The following AKAP7 variants were observed in gnomAD, a reference collection of about 807,000 sequenced individuals.
The protein encoded by AKAP7 is A kinase (PRKA) anchor protein 7.
In AKAP7, 39 loss-of-function variants were observed where a neutral mutation model predicts 39.5. The ratio of observed to expected loss-of-function variants is 0.99; its 90% CI spans 0.76 to 1.29. The LOEUF (loss-of-function observed/expected upper bound fraction) is 1.29, where lower values mean the gene tolerates loss of function less well. Ranked by LOEUF, AKAP7 falls within the 50% of genes most tolerant of loss-of-function variation. The probability of loss-of-function intolerance (pLI) is 0.00; values close to 1 mark genes in which losing one functional copy is unlikely to be tolerated. For missense variants in AKAP7, 414 were observed against 407.7 expected (o/e 1.02, Z -0.13); for synonymous variants, 140 against 139.1 (o/e 1.01, Z -0.05).
At chr6:131,140,058 C>T (rs1800899301) in intron 1 of AKAP7, among the ~76,000 whole-genome samples, 1 of 152,132 alleles carries the variant, frequency 6.6e-6, no homozygotes, top group Non-Finnish European at 1.5e-5. Flanking sequence ...GTTGATTGTT[C>T]TTAACTGTTC....
At chr6:131,140,581 T>C (rs1025587573) in intron 1 of AKAP7, among the ~76,000 whole-genome samples, 2 of 152,240 alleles carry the variant, frequency 1.3e-5, no homozygotes, top group South Asian at 2.1e-4. Context: ...CACAAGAACT[T>C]GGAAGCTAGT....
intron 7 of AKAP7, among the ~76,000 whole-genome samples, chr6:131,220,247 T>C (rs1266411120): frequency 3.3e-5 from 5 of 152,122 alleles, no homozygotes; most frequent in Non-Finnish European, 5.9e-5. Flanking sequence ...CCTGCAAAAA[T>C]TGAAAACTTC....
intron 5 of AKAP7, among the ~76,000 whole-genome samples, chr6:131,194,245 A>G (rs759354171): frequency 6.6e-6 from 1 of 151,912 alleles, no homozygotes; most frequent in African/African-American, 2.4e-5. Context: ...TAGCTCTATC[A>G]TCATTTGTTT....
chr6:131,186,389 A>G (rs1239474058), intron 5 of AKAP7, among the ~76,000 whole-genome samples: 1 of 152,198 alleles, frequency 6.6e-6, no homozygotes, highest in Non-Finnish European at 1.5e-5. Flanking sequence ...ACTGTGAGCC[A>G]ATTAAAGTCT....
At chr6:131,252,870 G>A (rs1301916254) in intron 7 of AKAP7, among the ~76,000 whole-genome samples, 2 of 152,110 alleles carry the variant, frequency 1.3e-5, no homozygotes, top group East Asian at 3.9e-4. Context: ...TGTACTCCTT[G>A]AGCATCTACT....
At chr6:131,188,658 C>T (rs1320243817) in intron 5 of AKAP7, among the ~76,000 whole-genome samples, 3 of 152,120 alleles carry the variant, frequency 2.0e-5, no homozygotes, top group African/African-American at 7.2e-5. Context: ...CCCATTTCAT[C>T]CTCCTGAGTA....
chr6:131,241,577 A>ATATATATG (rs1349874555), intron 7 of AKAP7, among the ~76,000 whole-genome samples: 114 of 81,230 alleles, frequency 1.4e-3, no homozygotes, highest in Middle Eastern at 5.3e-3. Flanking sequence ...GATTATATAT[A>ATATATATG]TGTGTGTGTG....
chr6:131,203,668 C>G lies in AKAP7; in HGVS notation c.702+4095C>G, dbSNP rs540163133. Among the ~76,000 whole-genome samples, 4 of 152,294 alleles carry G rather than the reference C, an allele frequency of 2.6e-5. No individual in the cohort carries two copies. In the South Asian group the frequency reaches 8.3e-4, roughly 32 times the overall value. ...AACAGAATGTCTCTCTAGGTAAACACTGCCAGTAGATCCTTCCAGACCTTT... is the reference window on the plus strand; with the variant it reads ...AACAGAATGTCTCTCTAGGTAAACAGTGCCAGTAGATCCTTCCAGACCTTT... On this transcript the variant is annotated intron_variant, in intron 6 of 7. Coordinates refer to ENST00000431975, the MANE Select transcript of AKAP7 (RefSeq NM_016377.4).
At chr6:131,154,468 G>GTTTTTTTTTTTTTTTTTTTTT (rs58715551) in intron 2 of AKAP7, among the ~76,000 whole-genome samples, 1 of 112,542 alleles carries the variant, frequency 8.9e-6, no homozygotes, top group African/African-American at 3.3e-5. Context: ...CCCTGTCCCT[G>GTTTTTTTTTTTTTTTTTTTTT]TTTTTTTTTT....
chr6:131,160,282 C>G (rs377565900), intron 3 of AKAP7, 84 bp downstream of exon 3: 11 of 1,408,656 alleles, frequency 7.8e-6, no homozygotes, highest in Admixed American at 2.1e-5. Flanking sequence ...CCCACTTGCT[C>G]TTAGCTTTTA....
At chr6:131,243,705 A>G (rs996494326) in intron 7 of AKAP7, among the ~76,000 whole-genome samples, 4 of 152,220 alleles carry the variant, frequency 2.6e-5, no homozygotes, top group Non-Finnish European at 1.5e-5. Context: ...AGAGCTAAAT[A>G]TAGATTGAGA....
chr6:131,237,176 G>A (rs1811143526), intron 7 of AKAP7, among the ~76,000 whole-genome samples: 2 of 152,276 alleles, frequency 1.3e-5, no homozygotes, highest in South Asian at 4.1e-4. Flanking sequence ...TGTGGTTTTT[G>A]TCGTTGATTC....
At chr6:131,239,938 C>T (rs1005293325) in intron 7 of AKAP7, among the ~76,000 whole-genome samples, 55 of 152,296 alleles carry the variant, frequency 3.6e-4, no homozygotes, top group African/African-American at 1.2e-3. Context: ...AGCTTTGTTC[C>T]GTTGCTGGTG....
At position 131,169,155 on chromosome 6, in the gene AKAP7, A is replaced by C; in HGVS notation, c.471A>C (p.Glu157Asp). The change falls in exon 5 of 8, where the codon GAA becomes GAC. Residue 157 changes from glutamate to aspartate, a missense_variant. Physicochemically the swap from Glu to Asp is conservative, Grantham distance 45 (BLOSUM62 2). Transcript: ENST00000431975. ...TGGAATTGAAACCATTCATAGAAGAACTCCTCCAGGGAAAACATTTGACTT... is the reference window on the plus strand; with the variant it reads ...TGGAATTGAAACCATTCATAGAAGACCTCCTCCAGGGAAAACATTTGACTT... Reference protein sequence around the residue: ...ALLELKPFIEELLQGKHLTLP... With the variant: ...ALLELKPFIEDLLQGKHLTLP... 6.2e-7 allele frequency: 1 copy of C among 1,613,596 alleles called. No individual in the cohort carries two copies. The highest frequency in any genetic ancestry group is 8.5e-7 in the Non-Finnish European group (1 of 1,179,680).
chr6:131,186,022 A>G (rs945242408), intron 5 of AKAP7, among the ~76,000 whole-genome samples: 3 of 152,118 alleles, frequency 2.0e-5, no homozygotes, highest in Admixed American at 1.3e-4. Flanking sequence ...GACTAACTTC[A>G]TTCTTTTGCA....
chr6:131,245,938 C>T (rs1811965570), intron 7 of AKAP7, among the ~76,000 whole-genome samples: 2 of 152,032 alleles, frequency 1.3e-5, no homozygotes, highest in South Asian at 4.1e-4. Flanking sequence ...ACTCAAATTT[C>T]CTTTAATTAG....
At chr6:131,187,006 G>A (rs191098198) in intron 5 of AKAP7, among the ~76,000 whole-genome samples, 17 of 152,184 alleles carry the variant, frequency 1.1e-4, no homozygotes, top group Admixed American at 2.0e-4. Context: ...ATATTACACC[G>A]TCTTGATTAC....
At chr6:131,257,556 T>C (rs566731304) in intron 7 of AKAP7, among the ~76,000 whole-genome samples, 1 of 152,248 alleles carries the variant, frequency 6.6e-6, no homozygotes, top group African/African-American at 2.4e-5. Context: ...TGGGGTCTTG[T>C]CCATCATGAG....
chr6:131,236,063 A>C (rs1026550050), intron 7 of AKAP7, among the ~76,000 whole-genome samples: 11 of 152,238 alleles, frequency 7.2e-5, no homozygotes, highest in Admixed American at 3.3e-4. Flanking sequence ...CTTTAATCCA[A>C]CTTGAATTAA....
Sources: allele counts gnomAD v4.1 joint callset (sites outside exome capture counted in the v4.1 genomes callset), GRCh38; gene constraint gnomAD v4.1.1; transcripts MANE v1.5; gene names NCBI Gene and HGNC (gene_info 2026-07-23, HGNC 2026-07-21).